The following ACOXL variants were observed in gnomAD, a reference collection of about 807,000 sequenced individuals.
ACOXL encodes the protein acyl-coenzyme A oxidase-like protein.
Under a neutral mutation model 71.9 loss-of-function variants are expected in ACOXL, and 70 were observed. The observed-to-expected ratio is 0.97, with a 90% CI of 0.80 to 1.19. The LOEUF (loss-of-function observed/expected upper bound fraction) is 1.19. Ranked by LOEUF, ACOXL falls within the 50% of genes most tolerant of loss-of-function variation. The pLI, the probability that ACOXL is intolerant of heterozygous loss-of-function variation, is 0.00. For synonymous variants in ACOXL, 253 were observed against 281.6 expected, an observed-to-expected ratio of 0.90 and a Z score of 1.02; for missense variants, 703 against 736.3, an observed-to-expected ratio of 0.95 and a Z score of 0.52.
chr2:110,987,022 CAA>C, intron 12 of ACOXL, 84 bp from the exon 13 acceptor site: 1 of 1,114,106 alleles, frequency 9.0e-7, no homozygotes, highest in Non-Finnish European at 1.3e-6. Flanking sequence ...TGCTAAGTGA[CAA>C]ATAGATCTTA....
chr2:110,884,265 A>G (rs1364668445), intron 10 of ACOXL, among the ~76,000 whole-genome samples: 4 of 152,254 alleles, frequency 2.6e-5, no homozygotes, highest in Admixed American at 1.3e-4. Flanking sequence ...GATGAGAACT[A>G]TCTTAACAAG....
intron 10 of ACOXL, among the ~76,000 whole-genome samples, chr2:110,897,534 A>C (rs146683780): frequency 6.7e-6 from 1 of 148,336 alleles, no homozygotes; most frequent in African/African-American, 2.5e-5. Context: ...TCCTCTCATC[A>C]ATCCCTTTAC....
chr2:110,960,941 A>T (rs2061679837), intron 12 of ACOXL, among the ~76,000 whole-genome samples: 1 of 152,204 alleles, frequency 6.6e-6, no homozygotes, highest in Non-Finnish European at 1.5e-5. Context: ...TTTACCCAGG[A>T]CATGGATGCT....
At chr2:111,067,454 A>AT (rs975864425) in intron 16 of ACOXL, among the ~76,000 whole-genome samples, 6 of 152,196 alleles carry the variant, frequency 3.9e-5, no homozygotes, top group African/African-American at 1.4e-4. Context: ...AGTAGGTTGG[A>AT]TTTTTTAAAG....
intron 13 of ACOXL, 103 bp from the exon 14 acceptor site, chr2:110,995,790 A>T: frequency 1.3e-6 from 1 of 793,350 alleles, no homozygotes; most frequent in Non-Finnish European, 2.1e-6. Flanking sequence ...CTATTTTTCT[A>T]CAGAAAAAAA....
At chr2:111,112,574 G>T (rs992285775) in intron 17 of ACOXL, among the ~76,000 whole-genome samples, 1 of 152,226 alleles carries the variant, frequency 6.6e-6, no homozygotes, top group Non-Finnish European at 1.5e-5. Flanking sequence ...ATAAGTGAGC[G>T]AGGAGGAGAT....
At chr2:110,905,479 C>T (rs2059406908) in intron 10 of ACOXL, among the ~76,000 whole-genome samples, 1 of 152,190 alleles carries the variant, frequency 6.6e-6, no homozygotes, top group Non-Finnish European at 1.5e-5. Context: ...TGGCCAGAGC[C>T]GTTTTGCTCC....
rs869081161 is a variant in ACOXL at position 111,109,671 on chromosome 2, A to ATTTTTTTT, written c.1543-7927_1543-7920dup. 9.9e-4 allele frequency among the ~76,000 whole-genome samples: 75 copies of ATTTTTTTT among 75,664 alleles called. 4 individuals are homozygous for ATTTTTTTT. Among genetic ancestry groups the ATTTTTTTT allele is most frequent in the African/African-American group, 1.5e-3 (27 of 18,376 alleles). The allele number at this position is 75,664 out of a possible 152,430, so 49.6% of individuals were successfully genotyped here. On this transcript the variant is annotated intron_variant, in intron 17 of 17. Coordinates refer to ENST00000439055, the MANE Select transcript of ACOXL (RefSeq NM_001142807.4). ...CTATTATATCCATTTTTCTCCTTCT[A>ATTTTTTTT]TTTTTTTTTTTTTTTTTTTTTTTTT...
chr2:110,775,511 T>A (rs1176617947), intron 2 of ACOXL, among the ~76,000 whole-genome samples: 1 of 151,944 alleles, frequency 6.6e-6, no homozygotes, highest in Non-Finnish European at 1.5e-5. Context: ...GGGATTGATA[T>A]CCCCAGAATA....
At chr2:110,894,651 T>C (rs2058932765) in intron 10 of ACOXL, among the ~76,000 whole-genome samples, 1 of 152,118 alleles carries the variant, frequency 6.6e-6, no homozygotes, top group South Asian at 2.1e-4. Context: ...GGAGAGACCA[T>C]GTGGGGATCC....
At chr2:110,884,051 T>C (rs112130208) in intron 10 of ACOXL, among the ~76,000 whole-genome samples, 1 of 152,162 alleles carries the variant, frequency 6.6e-6, no homozygotes, top group Non-Finnish European at 1.5e-5. Context: ...ATCTTAAGGT[T>C]TTTCAGCTGG....
intron 10 of ACOXL, among the ~76,000 whole-genome samples, chr2:110,902,032 C>CA (rs34402895): frequency 0.15 from 20,835 of 134,570 alleles, 1,560 homozygotes; most frequent in East Asian, 0.26. Context: ...ACGATTCTGT[C>CA]AAAAAAAAAA....
At chr2:110,875,466 G>A (rs1695790110) in intron 10 of ACOXL, among the ~76,000 whole-genome samples, 1 of 152,172 alleles carries the variant, frequency 6.6e-6, no homozygotes, top group South Asian at 2.1e-4. Flanking sequence ...GAGGTGTGGA[G>A]CGTGGAGCCC....
intron 10 of ACOXL, among the ~76,000 whole-genome samples, chr2:110,891,535 A>G (rs1464936715): frequency 6.6e-6 from 1 of 151,728 alleles, no homozygotes; most frequent in Admixed American, 6.6e-5. Context: ...CTTTTGTCAC[A>G]CTGAGCTATT....
intron 12 of ACOXL, among the ~76,000 whole-genome samples, chr2:110,964,672 A>G (rs1046060687): frequency 5.9e-5 from 9 of 152,178 alleles, no homozygotes; most frequent in Admixed American, 5.2e-4. Flanking sequence ...CTACTGCAAC[A>G]TAATTTTTGT....
At chr2:110,805,155 G>A (rs1475484769) in intron 8 of ACOXL, 108 bp from the exon 9 acceptor site, 2 of 1,426,180 alleles carry the variant, frequency 1.4e-6, no homozygotes, top group South Asian at 1.3e-5. Flanking sequence ...GTTCCACGAT[G>A]GGGAAATCCG....
chr2:110,890,827 T>A (rs1375882547), intron 10 of ACOXL, among the ~76,000 whole-genome samples: 1 of 152,178 alleles, frequency 6.6e-6, no homozygotes, highest in Non-Finnish European at 1.5e-5. Context: ...TTTCGGTACA[T>A]CTTGTTGATA....
At chr2:110,996,659 G>A (rs964132932) in intron 14 of ACOXL, among the ~76,000 whole-genome samples, 2 of 152,174 alleles carry the variant, frequency 1.3e-5, no homozygotes, top group African/African-American at 4.8e-5. Flanking sequence ...AGTCCAGGTT[G>A]CTTCTCTCCT....
chr2:110,775,481 G>A (rs1236627727), intron 2 of ACOXL, among the ~76,000 whole-genome samples: 2 of 152,070 alleles, frequency 1.3e-5, no homozygotes, highest in East Asian at 3.9e-4. Context: ...GAAAATATTT[G>A]CATGTTATAT....
Sources: gnomAD v4.1 joint callset for allele counts (sites outside exome capture counted in the v4.1 genomes callset) on GRCh38, gnomAD v4.1.1 for gene constraint, MANE v1.5 for transcripts, NCBI Gene and HGNC (gene_info 2026-07-23, HGNC 2026-07-21) for gene names.